The following ZSWIM2 variants were observed in gnomAD, a reference collection of about 807,000 sequenced individuals.
ZSWIM2 encodes the protein E3 ubiquitin-protein ligase ZSWIM2.
ZSWIM2 carries 38 observed loss-of-function variants against 48.4 expected under a neutral mutation model. That is an observed-to-expected ratio of 0.79 (90% CI 0.61 to 1.03). The LOEUF (loss-of-function observed/expected upper bound fraction) is 1.03. Ranked by LOEUF, ZSWIM2 falls within the 50% of genes least tolerant of loss-of-function variation. The pLI, the probability that ZSWIM2 is intolerant of heterozygous loss-of-function variation, is 0.00. For missense variants in ZSWIM2, 776 were observed against 730.2 expected (o/e 1.06, Z -0.72); for synonymous variants, 240 against 251.3 (o/e 0.96, Z 0.42).
In ZSWIM2 at chr2:186,833,113, A is replaced by C; in HGVS notation, c.941+7T>G. On this transcript the variant is annotated splice_region_variant and intron_variant, in intron 7 of 8. Coordinates refer to ENST00000295131, the MANE Select transcript of ZSWIM2 (RefSeq NM_182521.3). ...ACAACAAATATAAAATTTACTGGGA[A>C]CCTCACCCTTGCTTTTCTTGAAAAT... 7 of 1,294,682 alleles carry C rather than the reference A, an allele frequency of 5.4e-6. No homozygotes were observed. Among genetic ancestry groups the C allele is most frequent in the African/African-American group, 1.6e-5 (1 of 63,626 alleles). 80.2% of individuals were successfully genotyped at this position (1,294,682 alleles called of 1,614,324 possible).
In ZSWIM2 at chr2:186,828,112, T is replaced by C. The variant is rs1352820360; in HGVS notation, c.1774A>G (p.Lys592Glu). 6.2e-6 allele frequency: 10 copies of C among 1,613,510 alleles called. No homozygotes were observed. In the Admixed American group the frequency reaches 1.2e-4, roughly 19 times the overall value. The stretch of plus-strand genomic sequence containing the variant: ...TCCCCCATACAGTTACTATACCTTT[T>C]AGACAAACTAAGTTTAGCTGTGCTC... ...NWSTAKLSLS[K>E]RYSNCMGEIT... The change falls in exon 9 of 9, where the codon AAA becomes GAA. Residue 592 changes from lysine (K) to glutamate (E), a missense_variant. Coordinates refer to ENST00000295131, the MANE Select transcript of ZSWIM2 (RefSeq NM_182521.3).
In ZSWIM2 at chr2:186,837,375, C is replaced by A; in HGVS notation, c.674G>T (p.Arg225Ile). The A allele has an allele frequency of 6.2e-7, 1 of 1,613,074 alleles. No individual in the cohort carries two copies. The highest frequency in any genetic ancestry group is 1.1e-5 in the South Asian group (1 of 91,052). ...SKLVAAAEKERLDKHLGIPCN... is the reference protein window; with the variant it reads ...SKLVAAAEKEILDKHLGIPCN... ...GGGAATCCCAAGGTGTTTGTCCAGT[C>A]TCTCTTTTTCTGCTGCAGCTACTAG... Residue 225 changes from arginine (R) to isoleucine (I), a missense_variant, in exon 5 of 9, where the codon AGA (arginine) becomes ATA (isoleucine). Arg to Ile is a moderately conservative substitution (Grantham distance 97). Coordinates refer to ENST00000295131, the MANE Select transcript of ZSWIM2 (RefSeq NM_182521.3).
chr2:186,833,033 T>C, intron 7 of ZSWIM2, 87 bp downstream of exon 7: 1 of 575,242 alleles, frequency 1.7e-6, no homozygotes, highest in Non-Finnish European at 2.8e-6. Flanking sequence ...AAATAATAAA[T>C]AAAAGAATAA....
intron 6 of ZSWIM2, 60 bp downstream of exon 6, chr2:186,833,886 A>T (rs1296903076): frequency 6.7e-6 from 9 of 1,343,856 alleles, no homozygotes; most frequent in Non-Finnish European, 9.6e-6. Flanking sequence ...TCTTACACTG[A>T]CTTAGCTCTA....
At chr2:186,841,776 G>C (rs1006259363) in intron 3 of ZSWIM2, among the ~76,000 whole-genome samples, 90 of 151,176 alleles carry the variant, frequency 6.0e-4, no homozygotes, top group African/African-American at 2.1e-3. Context: ...AGGCTATTAG[G>C]CTGTTTTATG....
chr2:186,832,346 T>C (rs957567385), intron 7 of ZSWIM2, among the ~76,000 whole-genome samples: 1 of 152,080 alleles, frequency 6.6e-6, no homozygotes, highest in African/African-American at 2.4e-5. Context: ...GGTCTCGAAC[T>C]TCTGACCTCA....
At chr2:186,838,799 A>G (rs1350118620) in intron 4 of ZSWIM2, among the ~76,000 whole-genome samples, 160 bp downstream of exon 4, 8 of 146,216 alleles carry the variant, frequency 5.5e-5, no homozygotes, top group Non-Finnish European at 1.1e-4. Flanking sequence ...TATTATATAT[A>G]TGTGTGTGTG....
rs61163036 is a variant in ZSWIM2 at position 186,840,045 on chromosome 2, ACC to A, written c.284-878_284-877del. Among the ~76,000 whole-genome samples the A allele has an allele frequency of 2.4e-4, 37 of 151,334 alleles. No homozygotes were observed. The South Asian group carries it at 7.5e-3, about 31-fold the overall frequency. On this transcript the variant is annotated intron_variant, in intron 3 of 8. Transcript: ENST00000295131. ...TGAAATGCTCTGTTTTTCTGGAAAG[ACC>A]CCCCCCAACTAAACACTAAAATACT...
Position 186,833,188 on chromosome 2 carries a change from T to C in ZSWIM2, c.873A>G (p.Glu291=). 1 of 1,546,186 alleles carries C rather than the reference T, an allele frequency of 6.5e-7. No homozygotes were observed. Among genetic ancestry groups the C allele is most frequent in the Non-Finnish European group, 8.7e-7 (1 of 1,149,180 alleles). Residue 291 remains glutamate (E), a synonymous_variant, in exon 7 of 9, where the codon GAA becomes GAG. Coordinates refer to ENST00000295131, the MANE Select transcript of ZSWIM2 (RefSeq NM_182521.3). ...TTTTAGTATCTATGTATTTTACAACTTCATCTGCTCTTTTTTCTAGTGATC... is the reference window on the plus strand; with the variant it reads ...TTTTAGTATCTATGTATTTTACAACCTCATCTGCTCTTTTTTCTAGTGATC... ...KWRSLEKRAD[E]VVKYIDTKNE... is the part of the protein sequence containing the mutation.
chr2:186,827,913 G>T lies in ZSWIM2; in HGVS notation c.*71C>A. 1 of 1,275,692 alleles carries T rather than the reference G, an allele frequency of 7.8e-7. No individual in the cohort carries two copies. Among genetic ancestry groups the T allele is most frequent in the Non-Finnish European group, 1.1e-6 (1 of 951,756 alleles). 79.0% of individuals were successfully genotyped at this position (1,275,692 alleles called of 1,614,324 possible). On this transcript the variant is annotated 3_prime_UTR_variant, in exon 9 of 9. Transcript: ENST00000295131. Reference sequence around the variant, plus strand: ...TTATATACATTTGTCAAGACTATGTGTGCTTTTTATGTTCTATATAAAACA... The same window carrying T: ...TTATATACATTTGTCAAGACTATGTTTGCTTTTTATGTTCTATATAAAACA...
intron 3 of ZSWIM2, among the ~76,000 whole-genome samples, chr2:186,839,474 C>T (rs1363596466): frequency 2.0e-5 from 3 of 151,590 alleles, no homozygotes; most frequent in East Asian, 3.9e-4. Context: ...TCTTATACTT[C>T]GACCTGTTCA....
chr2:186,836,466 T>G (rs1044988192), intron 5 of ZSWIM2, among the ~76,000 whole-genome samples: 3 of 152,124 alleles, frequency 2.0e-5, no homozygotes, highest in Admixed American at 1.3e-4. Flanking sequence ...AAAACAAAAC[T>G]AAATTCAAAG....
Position 186,847,697 on chromosome 2 carries a change from C to T in ZSWIM2, c.242+22G>A, listed in dbSNP as rs201726348. 56 of 1,563,704 alleles carry T rather than the reference C, an allele frequency of 3.6e-5. No individual in the cohort carries two copies. The Admixed American group carries it at 4.3e-4, about 12-fold the overall frequency. ...ACCAAGATGTTCCTTCATGGAAGAT[C>T]TTCATTTGAAAAGTCACTTACCAGC... is the stretch of plus-strand genomic sequence containing the variant. On this transcript the variant is annotated intron_variant, in intron 2 of 8. Coordinates refer to ENST00000295131, the MANE Select transcript of ZSWIM2 (RefSeq NM_182521.3).
chr2:186,841,425 A>C (rs1057014761), intron 3 of ZSWIM2, among the ~76,000 whole-genome samples: 3 of 151,428 alleles, frequency 2.0e-5, no homozygotes, highest in African/African-American at 7.2e-5. Flanking sequence ...AAACTTAAAG[A>C]AATTGACATA....
chr2:186,840,251 A>T (rs1691880558), intron 3 of ZSWIM2, among the ~76,000 whole-genome samples: 1 of 151,776 alleles, frequency 6.6e-6, no homozygotes, highest in Middle Eastern at 3.4e-3. Flanking sequence ...ATAAAGAACA[A>T]AATATTGTGC....
chr2:186,845,083 C>A (rs182750944), intron 2 of ZSWIM2, among the ~76,000 whole-genome samples: 22 of 151,362 alleles, frequency 1.5e-4, no homozygotes, highest in African/African-American at 4.6e-4. Context: ...TATGGTACTG[C>A]CTTTAAACTT....
intron 3 of ZSWIM2, among the ~76,000 whole-genome samples, chr2:186,843,067 G>T (rs1403136939): frequency 1.3e-5 from 2 of 151,448 alleles, no homozygotes; most frequent in African/African-American, 2.4e-5. Flanking sequence ...TTGATGTACT[G>T]GCTTAAGTTA....
At position 186,847,903 on chromosome 2, in the gene ZSWIM2, A is replaced by G; in HGVS notation, c.166-108T>C. The G allele has an allele frequency of 4.4e-6, 3 of 674,600 alleles. No individual in the cohort carries two copies. In the South Asian group the frequency reaches 6.6e-5, roughly 15 times the overall value. 41.8% of individuals were successfully genotyped at this position (674,600 alleles called of 1,614,324 possible). A position where few individuals can be genotyped will look rare whatever the true frequency, so the allele number is the denominator to read the frequency against. On this transcript the variant is annotated intron_variant, in intron 1 of 8. Transcript: ENST00000295131. The stretch of plus-strand genomic sequence containing the variant: ...GAGGTAATTTAGTTTAGGTGATTCA[A>G]AAAGGTTGAATAGATTCTACTGGAG...
rs779007157 is a variant in ZSWIM2 at position 186,833,235 on chromosome 2, G to A, written c.829-3C>T. On this transcript the variant is annotated splice_polypyrimidine_tract_variant and splice_region_variant and intron_variant, in intron 6 of 8. Transcript: ENST00000295131. ...GATCTCCATTTTTGGTTTCTTTTCT[G>A]TAATAGGTAAAAGTAGATGTTACTT... 3.3e-5 allele frequency: 47 copies of A among 1,418,620 alleles called. No individual in the cohort carries two copies. Among genetic ancestry groups the A allele is most frequent in the Non-Finnish European group, 4.1e-5 (43 of 1,044,398 alleles). The allele number at this position is 1,418,620 out of a possible 1,614,324, so 87.9% of individuals were successfully genotyped here. A position where few individuals can be genotyped will look rare whatever the true frequency, so the allele number is the denominator to read the frequency against.
Sources: gnomAD v4.1 joint callset for allele counts (sites outside exome capture counted in the v4.1 genomes callset) on GRCh38, gnomAD v4.1.1 for gene constraint, MANE v1.5 for transcripts, NCBI Gene and HGNC (gene_info 2026-07-23, HGNC 2026-07-21) for gene names.